CNTNAP2: variants seen among roughly 807,000 people sequenced by gnomAD.
The protein encoded by CNTNAP2 is contactin associated protein 2.
CNTNAP2 carries 98 observed loss-of-function variants against 155.2 expected under a neutral mutation model. The ratio of observed to expected loss-of-function variants is 0.63; its 90% confidence interval spans 0.54 to 0.75. CNTNAP2 has a LOEUF of 0.75. Among genes scored for constraint, CNTNAP2 ranks in the 30% least tolerant of loss-of-function variants. The pLI is 0.00. For missense variants in CNTNAP2, 1,727 were observed against 1,688.1 expected (o/e 1.02, Z -0.40); for synonymous variants, 651 against 631.2 (o/e 1.03, Z -0.47).
intron 2 of CNTNAP2, among the ~76,000 whole-genome samples, chr7:146,787,232 G>C (rs975439916): frequency 6.6e-6 from 1 of 152,266 alleles, no homozygotes; most frequent in Non-Finnish European, 1.5e-5. Context: ...TTAAAATCAC[G>C]TGCTTCTGAG....
intron 3 of CNTNAP2, among the ~76,000 whole-genome samples, chr7:146,855,837 A>G (rs1340399425): frequency 6.2e-5 from 8 of 128,590 alleles, no homozygotes; most frequent in Admixed American, 6.2e-4. Context: ...ATATATATAT[A>G]TATATATATA....
chr7:146,147,015 A>T (rs1207621668), intron 1 of CNTNAP2, among the ~76,000 whole-genome samples: 1 of 152,182 alleles, frequency 6.6e-6, no homozygotes, highest in Non-Finnish European at 1.5e-5. Context: ...AACTGTCTTT[A>T]AAAGAAAGAA....
chr7:147,343,132 C>T (rs974692002), intron 9 of CNTNAP2, among the ~76,000 whole-genome samples: 6 of 151,982 alleles, frequency 3.9e-5, no homozygotes, highest in Admixed American at 3.9e-4. Context: ...CAGCTAGAAG[C>T]CTATATATTG....
chr7:148,114,354 G>C (rs781457203), intron 15 of CNTNAP2, among the ~76,000 whole-genome samples: 19 of 152,150 alleles, frequency 1.2e-4, no homozygotes, highest in Non-Finnish European at 2.6e-4. Flanking sequence ...GTCTCATGAG[G>C]ACTTTGTAAA....
chr7:146,965,645 C>A (rs1797642844), intron 3 of CNTNAP2, among the ~76,000 whole-genome samples: 1 of 151,346 alleles, frequency 6.6e-6, no homozygotes, highest in Non-Finnish European at 1.5e-5. Flanking sequence ...AGAAGAGGAC[C>A]CTTAAAAGTT....
At chr7:147,511,613 T>G (rs1402994437) in intron 11 of CNTNAP2, among the ~76,000 whole-genome samples, 2 of 152,042 alleles carry the variant, frequency 1.3e-5, no homozygotes, top group Non-Finnish European at 2.9e-5. Flanking sequence ...TATTTTCTTT[T>G]ACATTTATCA....
At chr7:147,024,316 T>C (rs1798863148) in intron 3 of CNTNAP2, among the ~76,000 whole-genome samples, 1 of 152,198 alleles carries the variant, frequency 6.6e-6, no homozygotes, top group Admixed American at 6.5e-5. Context: ...TGGTAAAACC[T>C]GTTTATAACA....
chr7:147,361,240 T>C (rs368122317), intron 9 of CNTNAP2, among the ~76,000 whole-genome samples: 3 of 152,340 alleles, frequency 2.0e-5, no homozygotes, highest in East Asian at 3.9e-4. Flanking sequence ...AGCTGTATAC[T>C]CTTTTACCTA....
intron 1 of CNTNAP2, among the ~76,000 whole-genome samples, chr7:146,574,811 T>C (rs879443645): frequency 6.6e-6 from 1 of 152,202 alleles, no homozygotes; most frequent in Non-Finnish European, 1.5e-5. Context: ...ACTTTCTTCT[T>C]CATTTTTTGA....
chr7:147,386,550 G>A (rs1796629202), intron 9 of CNTNAP2, among the ~76,000 whole-genome samples: 2 of 152,246 alleles, frequency 1.3e-5, no homozygotes, highest in Admixed American at 1.3e-4. Flanking sequence ...ACCCGTCTCT[G>A]CTAAAACATA....
At chr7:147,488,369 T>C (rs554681809) in intron 11 of CNTNAP2, among the ~76,000 whole-genome samples, 47 of 152,320 alleles carry the variant, frequency 3.1e-4, no homozygotes, top group African/African-American at 1.0e-3. Context: ...TCTTGCACTT[T>C]GTTCGACTGA....
chr7:146,485,061 A>G (rs1308848756), intron 1 of CNTNAP2, among the ~76,000 whole-genome samples: 1 of 152,192 alleles, frequency 6.6e-6, no homozygotes, highest in African/African-American at 2.4e-5. Flanking sequence ...TGATTTTGCC[A>G]GGTTACCTTA....
At chr7:146,619,001 G>A (rs1799274073) in intron 1 of CNTNAP2, among the ~76,000 whole-genome samples, 2 of 151,546 alleles carry the variant, frequency 1.3e-5, no homozygotes. Context: ...ACCCAGGAGG[G>A]AGGCAGAGGT....
rs144058716 is a variant in CNTNAP2 at position 146,710,386 on chromosome 7, C to T, written c.98-63885C>T. ...TATAGGACAAGAGGCCTGACTGTTT[C>T]CTATTCTCATCCCTTCATTCTTGTT... On this transcript the variant is annotated intron_variant, in intron 1 of 23. Transcript: ENST00000361727. 4.6e-3 allele frequency among the ~76,000 whole-genome samples: 696 copies of T among 152,242 alleles called. 7 individuals carry two copies. Among genetic ancestry groups the T allele is most frequent in the African/African-American group, 0.016 (659 of 41,552 alleles).
chr7:147,813,330 T>C (rs1798211686), intron 13 of CNTNAP2, among the ~76,000 whole-genome samples: 1 of 152,208 alleles, frequency 6.6e-6, no homozygotes, highest in Non-Finnish European at 1.5e-5. Flanking sequence ...GTCAATGGGA[T>C]GGTTTATGCC....
At chr7:147,119,165 G>T (rs1419482174) in intron 5 of CNTNAP2, among the ~76,000 whole-genome samples, 1 of 152,076 alleles carries the variant, frequency 6.6e-6, no homozygotes, top group East Asian at 1.9e-4. Flanking sequence ...CACTGCAGTT[G>T]AATTATATCT....
chr7:146,200,761 C>A (rs1001415864), intron 1 of CNTNAP2, among the ~76,000 whole-genome samples: 8 of 152,018 alleles, frequency 5.3e-5, no homozygotes, highest in African/African-American at 1.7e-4. Flanking sequence ...ATCATGGAAT[C>A]CCCTGGAGGA....
Position 147,575,776 on chromosome 7 carries a change from C to T in CNTNAP2, c.1897+13519C>T, listed in dbSNP as rs1584825485. On this transcript the variant is annotated intron_variant, in intron 12 of 23. Coordinates refer to ENST00000361727, the MANE Select transcript of CNTNAP2 (RefSeq NM_014141.6). The stretch of plus-strand genomic sequence containing the variant: ...ATTTTCCTTTTTGGTTAAGGAGTGT[C>T]ATAATTCTTAAAGTGTTTATTATTG... 2.6e-5 allele frequency among the ~76,000 whole-genome samples: 4 copies of T among 151,914 alleles called. No individual in the cohort carries two copies. The East Asian group carries it at 7.7e-4, about 29-fold the overall frequency.
chr7:146,891,984 G>A (rs1320053701), intron 3 of CNTNAP2, among the ~76,000 whole-genome samples: 1 of 152,058 alleles, frequency 6.6e-6, no homozygotes, highest in African/African-American at 2.4e-5. Context: ...AAAATTACTG[G>A]TTATCTATTG....
Sources: allele counts gnomAD v4.1 joint callset (sites outside exome capture counted in the v4.1 genomes callset), GRCh38; gene constraint gnomAD v4.1.1; transcripts MANE v1.5; gene names NCBI Gene and HGNC (gene_info 2026-07-23, HGNC 2026-07-21).